Variants in ZSWIM8 observed in about 807,000 individuals in gnomAD.
The protein encoded by ZSWIM8 is zinc finger SWIM domain-containing protein 8.
Under a neutral mutation model 173.7 loss-of-function variants are expected in ZSWIM8, and 27 were observed. The ratio of observed to expected loss-of-function variants is 0.16; its 90% CI spans 0.11 to 0.21. The LOEUF (loss-of-function observed/expected upper bound fraction) is 0.21, where lower values mean the gene tolerates loss of function less well. Among genes scored for constraint, ZSWIM8 ranks in the 10% least tolerant of loss-of-function variants. ZSWIM8 has a pLI of 1.00. For synonymous variants in ZSWIM8, 958 were observed against 962.0 expected (o/e 1.00, Z 0.08); for missense variants, 1,627 against 2,428.8 (o/e 0.67, Z 6.94).
chr10:73,790,553 TAA>T (rs1311158071), intron 7 of ZSWIM8, among the ~76,000 whole-genome samples: 1 of 152,166 alleles, frequency 6.6e-6, no homozygotes, highest in African/African-American at 2.4e-5. Context: ...AAAGATTTTT[TAA>T]AGAGTTTTTG....
In ZSWIM8 at chr10:73,797,372, G is replaced by A; in HGVS notation, c.3434-5G>A. On this transcript the variant is annotated splice_region_variant and splice_polypyrimidine_tract_variant and intron_variant, in intron 17 of 25. Coordinates refer to ENST00000604729, the MANE Select transcript of ZSWIM8 (RefSeq NM_001367799.1). This position sits in a 1 kb window ranked among gnomAD's most constrained non-coding sequence, Gnocchi z 5.6. ...CTTCTGAGACTGACTTCTCTTGGGG[G>A]TTAGGCATGGCCAGCATTGACAGCA... 6.2e-7 allele frequency: 1 copy of A among 1,613,734 alleles called. No individual in the cohort carries two copies. Among genetic ancestry groups the A allele is most frequent in the Non-Finnish European group, 8.5e-7 (1 of 1,179,730 alleles).
Position 73,785,965 on chromosome 10 carries a change from C to A in ZSWIM8, c.87C>A (p.Ser29=). 6.3e-7 allele frequency: 1 copy of A among 1,580,844 alleles called. No homozygotes were observed. The highest frequency in any genetic ancestry group is 8.6e-7 in the Non-Finnish European group (1 of 1,163,628). The change falls in exon 1 of 26, where the codon TCC becomes TCA. Residue 29 remains serine (S), a synonymous_variant. Transcript: ENST00000604729. ...GTTTTGAGGAGGATTCACTCTGTTC[C>A]TTCATCTCCGAGGCCGAGAGCCTCT... The part of the protein sequence containing the change: ...SDRFEEDSLC[S]FISEAESLCQ...
In ZSWIM8 at chr10:73,798,384, C is replaced by T; in HGVS notation, c.4107C>T (p.Ser1369=). 5 of 1,614,020 alleles carry T rather than the reference C, an allele frequency of 3.1e-6. No homozygotes were observed. Among genetic ancestry groups the T allele is most frequent in the Non-Finnish European group, 4.2e-6 (5 of 1,179,898 alleles). Residue 1369 remains serine, a synonymous_variant, in exon 20 of 26, where the codon AGC becomes AGT. Coordinates refer to ENST00000604729, the MANE Select transcript of ZSWIM8 (RefSeq NM_001367799.1). ...MVRAAAELAL[S]CLPHAHALNP... ...GGGCGGCAGCAGAGCTGGCCCTGAG[C>T]TGCCTGCCTCACGCCCATGCATTGA...
intron 1 of ZSWIM8, among the ~76,000 whole-genome samples, chr10:73,788,364 A>G (rs2083296303): frequency 6.6e-6 from 1 of 152,178 alleles, no homozygotes. Flanking sequence ...GAGCAGGGTT[A>G]CTTGCTAGGG....
Position 73,800,787 on chromosome 10 carries a change from G to GCCCCC in ZSWIM8, c.5122+34_5122+38dup. The stretch of plus-strand genomic sequence containing the variant: ...AACACCTCCCCTCCCTAGGACCATT[G>GCCCCC]CCCCCCCCCCACCTGCTCTCCCCAC... On this transcript the variant is annotated intron_variant, in intron 24 of 25. Coordinates refer to ENST00000604729, the MANE Select transcript of ZSWIM8 (RefSeq NM_001367799.1). This position sits in a 1 kb window ranked among gnomAD's most constrained non-coding sequence, Gnocchi z 4.1. The GCCCCC allele has an allele frequency of 7.6e-7, 1 of 1,322,144 alleles. No individual in the cohort carries two copies. The highest frequency in any genetic ancestry group is 1.0e-6 in the Non-Finnish European group (1 of 973,070). 81.9% of individuals were successfully genotyped at this position (1,322,144 alleles called of 1,614,324 possible).
intron 1 of ZSWIM8, among the ~76,000 whole-genome samples, chr10:73,786,965 C>T (rs1589550331): frequency 7.1e-6 from 1 of 140,486 alleles, no homozygotes; most frequent in South Asian, 2.2e-4. Context: ...TTTTTTGAGA[C>T]GGAGTTTTGC....
chr10:73,800,028 C>T lies in ZSWIM8; in HGVS notation c.4683C>T (p.Phe1561=). 1.2e-6 allele frequency: 2 copies of T among 1,613,588 alleles called. No individual in the cohort carries two copies. The highest frequency in any genetic ancestry group is 1.7e-6 in the Non-Finnish European group (2 of 1,179,732). The change falls in exon 22 of 26, where the codon TTC becomes TTT. Residue 1561 remains phenylalanine, a synonymous_variant. Coordinates refer to ENST00000604729, the MANE Select transcript of ZSWIM8 (RefSeq NM_001367799.1). The surrounding 1 kb of genome is among the most constrained non-coding windows in gnomAD (Gnocchi z 4.1). The part of the protein sequence containing the change: ...SAYPQGVHPA[F]LGAQYPYSVT... ...GCCCCTAGGGTGTGCATCCTGCATTCCTAGGGGCTCAGTACCCTTATTCAG... is the reference window on the plus strand; with the variant it reads ...GCCCCTAGGGTGTGCATCCTGCATTTCTAGGGGCTCAGTACCCTTATTCAG...
In ZSWIM8 at chr10:73,798,334, C is replaced by T; in HGVS notation, c.4057C>T (p.Arg1353Trp). ...TGCATCCCTGGCTGACAGGGCATCACGGGCAAGAGACTCCAATATGGTGAG... is the reference window on the plus strand; with the variant it reads ...TGCATCCCTGGCTGACAGGGCATCATGGGCAAGAGACTCCAATATGGTGAG... Reference protein sequence around the residue: ...EVASLADRASRARDSNMVRAA... With the variant: ...EVASLADRASWARDSNMVRAA... The change falls in exon 20 of 26, where the codon CGG (arginine) becomes TGG (tryptophan). Residue 1353 changes from arginine (R) to tryptophan (W), a missense_variant. Transcript: ENST00000604729. 6.2e-7 allele frequency: 1 copy of T among 1,614,016 alleles called. No homozygotes were observed. Among genetic ancestry groups the T allele is most frequent in the Non-Finnish European group, 8.5e-7 (1 of 1,179,894 alleles).
chr10:73,794,305 C>T lies in ZSWIM8; in HGVS notation c.2784C>T (p.Phe928=). 1 of 1,613,980 alleles carries T rather than the reference C, an allele frequency of 6.2e-7. No individual in the cohort carries two copies. Among genetic ancestry groups the T allele is most frequent in the Non-Finnish European group, 8.5e-7 (1 of 1,179,862 alleles). ...TGTTGCCTCTCATGCTGGCCAGTTTCATCTTTGACGTTCTCTGTGCTCCAG... is the reference window on the plus strand; with the variant it reads ...TGTTGCCTCTCATGCTGGCCAGTTTTATCTTTGACGTTCTCTGTGCTCCAG... The part of the protein sequence containing the change: ...RPVLPLMLAS[F]IFDVLCAPVV... Residue 928 remains phenylalanine (F), a synonymous_variant, in exon 13 of 26, where the codon TTC becomes TTT. Transcript: ENST00000604729.
chr10:73,792,807 C>T lies in ZSWIM8; in HGVS notation c.2268C>T (p.Asp756=), dbSNP rs754296818. The T allele has an allele frequency of 6.3e-6, 10 of 1,597,776 alleles. No individual in the cohort carries two copies. The East Asian group carries it at 2.0e-4, about 32-fold the overall frequency. The change falls in exon 10 of 26, where the codon GAC becomes GAT. Residue 756 remains aspartate (D), a synonymous_variant. Coordinates refer to ENST00000604729, the MANE Select transcript of ZSWIM8 (RefSeq NM_001367799.1). This position sits in a 1 kb window ranked among gnomAD's most constrained non-coding sequence, Gnocchi z 4.3. The stretch of plus-strand genomic sequence containing the variant: ...AGGGCGGGGCTGGGGAGGAGCACGA[C>T]CTGTTTGCTGGGCTGAAGCCACTGG... The part of the protein sequence containing the change: ...KAEGGAGEEH[D]LFAGLKPLEQ...
Position 73,799,432 on chromosome 10 carries a change from C to A in ZSWIM8, c.4607C>A (p.Pro1536His). 1 of 1,607,488 alleles carries A rather than the reference C, an allele frequency of 6.2e-7. No homozygotes were observed. Among genetic ancestry groups the A allele is most frequent in the South Asian group, 1.1e-5 (1 of 89,664 alleles). The change falls in exon 21 of 26, where the codon CCC (proline) becomes CAC (histidine). Residue 1536 changes from proline (P) to histidine (H), a missense_variant. By Grantham distance (77) the Pro-to-His change is moderately conservative. Transcript: ENST00000604729. Reference protein sequence around the residue: ...YLTHPAHPAHPMPHMPRPAVF... With the variant: ...YLTHPAHPAHHMPHMPRPAVF... ...ACTCACCCAGCTCACCCTGCCCACC[C>A]CATGCCTCACATGCCCCGGCCTGCC...
At chr10:73,786,315 TGTGTGTGTGTGG>T (rs1041616287) in intron 1 of ZSWIM8, 3 of 463,996 alleles carry the variant, frequency 6.5e-6, no homozygotes, top group African/African-American at 4.1e-5. Flanking sequence ...TCTCCACACC[TGTGTGTGTGTGG>T]GTGTGTGTGT....
At position 73,797,358 on chromosome 10, in the gene ZSWIM8, G is replaced by C. The variant is rs372918087; in HGVS notation, c.3434-19G>C. On this transcript the variant is annotated intron_variant, in intron 17 of 25. Transcript: ENST00000604729. The surrounding 1 kb of genome is among the most constrained non-coding windows in gnomAD (Gnocchi z 5.6). ...TCTGGGACTCCTGACTTCTGAGACT[G>C]ACTTCTCTTGGGGGTTAGGCATGGC... 2 of 1,613,172 alleles carry C rather than the reference G, an allele frequency of 1.2e-6. No individual in the cohort carries two copies. The highest frequency in any genetic ancestry group is 2.7e-5 in the African/African-American group (2 of 74,868).
intron 1 of ZSWIM8, chr10:73,786,625 A>C (rs1001388694): frequency 2.6e-5 from 4 of 152,604 alleles, no homozygotes; most frequent in African/African-American, 9.6e-5. Context: ...TCCCAGAAGC[A>C]CCAAGAAGGG....
chr10:73,800,968 A>G lies in ZSWIM8; in HGVS notation c.5123-49A>G, dbSNP rs1589602260. The G allele has an allele frequency of 2.7e-6, 4 of 1,497,610 alleles. No individual in the cohort carries two copies. In the African/African-American group the frequency reaches 5.5e-5, roughly 21 times the overall value. 92.8% of individuals were successfully genotyped at this position (1,497,610 alleles called of 1,614,324 possible). ...GCTGAGATCTGTAAGTTGGGTCCCTAGGGCAGAGGTGGCCACCCCCGTCTC... is the reference window on the plus strand; with the variant it reads ...GCTGAGATCTGTAAGTTGGGTCCCTGGGGCAGAGGTGGCCACCCCCGTCTC... On this transcript the variant is annotated intron_variant, in intron 24 of 25. Transcript: ENST00000604729. This position sits in a 1 kb window ranked among gnomAD's most constrained non-coding sequence, Gnocchi z 4.1.
In ZSWIM8 at chr10:73,791,802, C is replaced by G. The variant is rs1168487652; in HGVS notation, c.1320-57C>G. On this transcript the variant is annotated intron_variant, in intron 9 of 25. Transcript: ENST00000604729. The surrounding 1 kb of genome is among the most constrained non-coding windows in gnomAD (Gnocchi z 6.0). ...CCTCTCTTTGGGGTGTACACCTACT[C>G]CATGCCCATCCTTTCCCAGTAGCCC... 6.8e-7 allele frequency: 1 copy of G among 1,467,122 alleles called. No homozygotes were observed. Among genetic ancestry groups the G allele is most frequent in the African/African-American group, 1.4e-5 (1 of 70,582 alleles). The allele number at this position is 1,467,122 out of a possible 1,614,324, so 90.9% of individuals were successfully genotyped here. A position where few individuals can be genotyped will look rare whatever the true frequency, so the allele number is the denominator to read the frequency against.
chr10:73,797,114 G>C lies in ZSWIM8; in HGVS notation c.3276G>C (p.Glu1092Asp). ...TEGFTEKNVP[E>D]SSPHSPCEGL... Reference sequence around the variant, plus strand: ...CAGCGTCCTGTTTTCCTCACCTAGAGAGTTCCCCACATTCCCCCTGTGAGG... The same window carrying C: ...CAGCGTCCTGTTTTCCTCACCTAGACAGTTCCCCACATTCCCCCTGTGAGG... The change falls in exon 17 of 26, where the codon GAG (glutamate) becomes GAC (aspartate). Residue 1092 changes from glutamate (E) to aspartate (D), a missense_variant and splice_region_variant. This residue lies in a region of ZSWIM8 where 163 missense variants were observed against 193.2 expected (regional missense o/e 0.84). Coordinates refer to ENST00000604729, the MANE Select transcript of ZSWIM8 (RefSeq NM_001367799.1). The surrounding 1 kb of genome is among the most constrained non-coding windows in gnomAD (Gnocchi z 5.6). 2.5e-6 allele frequency: 4 copies of C among 1,613,562 alleles called. No individual in the cohort carries two copies. The highest frequency in any genetic ancestry group is 4.5e-5 in the East Asian group (2 of 44,870).
rs201954194 is a variant in ZSWIM8 at position 73,793,876 on chromosome 10, C to T, written c.2457C>T (p.Asn819=). ...VEPPPAKGKK[N]KVSTSRQTWV... is the part of the protein sequence containing the mutation. The stretch of plus-strand genomic sequence containing the variant: ...TCTTCCCTTTCTAGGGCAAGAAGAA[C>T]AAGGTATCCACGAGCCGTCAGACCT... Residue 819 remains asparagine (N), a synonymous_variant, in exon 12 of 26, where the codon AAC becomes AAT. Transcript: ENST00000604729. 6.2e-7 allele frequency: 1 copy of T among 1,607,114 alleles called. No individual in the cohort carries two copies. The highest frequency in any genetic ancestry group is 2.2e-5 in the East Asian group (1 of 44,864).
intron 2 of ZSWIM8, 127 bp from the exon 3 acceptor site, chr10:73,788,969 C>G: frequency 1.7e-6 from 1 of 601,796 alleles, no homozygotes; most frequent in East Asian, 6.3e-5. Context: ...CCACTCCCTC[C>G]CCCCCACCCC....
Sources: allele counts gnomAD v4.1 joint callset (sites outside exome capture counted in the v4.1 genomes callset), GRCh38; gene constraint gnomAD v4.1.1; regional missense constraint gnomAD v4.1.1; non-coding constraint Gnocchi (gnomAD v3.1); transcripts MANE v1.5; gene names NCBI Gene and HGNC (gene_info 2026-07-23, HGNC 2026-07-21).